Variants in VPS13A observed in about 807,000 individuals in gnomAD.
VPS13A encodes intermembrane lipid transfer protein VPS13A.
Under a neutral mutation model 390.9 loss-of-function variants are expected in VPS13A, and 264 were observed. The ratio of observed to expected loss-of-function variants is 0.68; its 90% confidence interval spans 0.61 to 0.75. The LOEUF (loss-of-function observed/expected upper bound fraction) is 0.75. Among genes scored for constraint, VPS13A ranks in the 30% least tolerant of loss-of-function variants. The probability of loss-of-function intolerance (pLI) is 0.00; values close to 1 mark genes in which losing one functional copy is unlikely to be tolerated. For synonymous variants in VPS13A, 1,231 were observed against 1,227.1 expected (o/e 1.00, Z -0.07); for missense variants, 3,409 against 3,733.9 (o/e 0.91, Z 2.27).
rs534041822 is a variant in VPS13A, at chr9:77,403,930, C to T, written c.9275+609C>T. 9.2e-5 allele frequency among the ~76,000 whole-genome samples: 14 copies of T among 152,104 alleles called. No homozygotes were observed. The South Asian group carries it at 2.9e-3, about 32-fold the overall frequency. On this transcript the variant is annotated intron_variant, in intron 69 of 71. Coordinates refer to ENST00000360280, the MANE Select transcript of VPS13A (RefSeq NM_033305.3). ...TACGGCTAGCAGGGAGAAGTTAGAG[C>T]TAAATAGAAATGAATTGTCAATCTA...
At chr9:77,376,809 A>G (rs918303330) in intron 67 of VPS13A, among the ~76,000 whole-genome samples, 1 of 152,190 alleles carries the variant, frequency 6.6e-6, no homozygotes, top group African/African-American at 2.4e-5. Context: ...ATGAGATTGG[A>G]TGAGATCACC....
At chr9:77,239,509 T>A (rs1008270309) in intron 19 of VPS13A, among the ~76,000 whole-genome samples, 1 of 145,986 alleles carries the variant, frequency 6.8e-6, no homozygotes, top group African/African-American at 2.7e-5. Flanking sequence ...TTTGTACTTT[T>A]TTATTTTATT....
At position 77,225,925 on chromosome 9, in the gene VPS13A, G is replaced by A. The variant is rs1291282545; in HGVS notation, c.1162-1G>A. 1 of 1,609,336 alleles carries A rather than the reference G, an allele frequency of 6.2e-7. No homozygotes were observed. Among genetic ancestry groups the A allele is most frequent in the Admixed American group, 1.7e-5 (1 of 59,818 alleles). ...AACACATTTTTGTTTATATTTTTCAGGAGTTGGAAAAAACCTTGGATGTCT... is the reference window on the plus strand; with the variant it reads ...AACACATTTTTGTTTATATTTTTCAAGAGTTGGAAAAAACCTTGGATGTCT... On this transcript the variant is annotated splice_acceptor_variant, in intron 13 of 71. Coordinates refer to ENST00000360280, the MANE Select transcript of VPS13A (RefSeq NM_033305.3). LOFTEE classifies it high-confidence loss of function.
chr9:77,187,990 G>A (rs887585736), intron 1 of VPS13A, among the ~76,000 whole-genome samples: 3 of 152,150 alleles, frequency 2.0e-5, no homozygotes, highest in African/African-American at 7.2e-5. Context: ...ATTGTTGGAG[G>A]TGGGGACTGG....
At chr9:77,282,963 A>G (rs1827124862) in intron 29 of VPS13A, among the ~76,000 whole-genome samples, 1 of 152,062 alleles carries the variant, frequency 6.6e-6, no homozygotes, top group South Asian at 2.1e-4. Context: ...TTCGAAAAAA[A>G]AAAACAAAAA....
At chr9:77,221,117 G>A (rs1823184807) in intron 12 of VPS13A, 68 bp from the exon 13 acceptor site, 1 of 1,441,540 alleles carries the variant, frequency 6.9e-7, no homozygotes, top group Non-Finnish European at 9.7e-7. Context: ...TGTTAGAGTA[G>A]AAGCAATGTC....
chr9:77,291,879 C>T (rs1279463272), intron 31 of VPS13A, among the ~76,000 whole-genome samples: 3 of 152,144 alleles, frequency 2.0e-5, no homozygotes, highest in African/African-American at 4.8e-5. Context: ...TGATATCTCT[C>T]GTATTTCCTA....
intron 68 of VPS13A, among the ~76,000 whole-genome samples, chr9:77,383,924 G>A (rs1243758244): frequency 6.7e-6 from 1 of 150,216 alleles, no homozygotes; most frequent in African/African-American, 2.4e-5. Context: ...TTTTCTTACA[G>A]GTATAAAAAG....
chr9:77,344,958 T>C, intron 51 of VPS13A, 51 bp from the exon 52 acceptor site: 1 of 1,578,196 alleles, frequency 6.3e-7, no homozygotes, highest in Non-Finnish European at 8.6e-7. Context: ...TATTAGTTAA[T>C]ATTCTTGGGA....
chr9:77,276,556 A>T (rs1212424345), intron 26 of VPS13A, among the ~76,000 whole-genome samples: 1 of 152,234 alleles, frequency 6.6e-6, no homozygotes. Context: ...CAAATTTATT[A>T]TCTTAGAGTT....
intron 22 of VPS13A, among the ~76,000 whole-genome samples, chr9:77,253,570 G>T (rs1296464011): frequency 2.6e-5 from 4 of 152,190 alleles, no homozygotes; most frequent in Non-Finnish European, 4.4e-5. Flanking sequence ...CTCCCAAAGT[G>T]CTGGGATTAC....
At chr9:77,220,520 A>T (rs1823149093) in intron 12 of VPS13A, 137 bp downstream of exon 12, 4 of 661,390 alleles carry the variant, frequency 6.0e-6, no homozygotes, top group Non-Finnish European at 1.0e-5. Flanking sequence ...ATAGCTAGAA[A>T]TATATGTAGC....
At chr9:77,253,331 A>C (rs1460496464) in intron 22 of VPS13A, among the ~76,000 whole-genome samples, 2 of 152,184 alleles carry the variant, frequency 1.3e-5, no homozygotes, top group South Asian at 2.1e-4. Flanking sequence ...TTCGAGATGG[A>C]GTCTCCCTCT....
chr9:77,340,758 T>G (rs984317192), intron 50 of VPS13A: 5 of 565,042 alleles, frequency 8.8e-6, no homozygotes, highest in Non-Finnish European at 1.5e-5. Flanking sequence ...ATGCCCAGCT[T>G]GTTAAGGGAG....
chr9:77,286,587 G>T (rs1391327052), intron 31 of VPS13A, among the ~76,000 whole-genome samples: 1 of 152,164 alleles, frequency 6.6e-6, no homozygotes, highest in Non-Finnish European at 1.5e-5. Context: ...TTATGGCCTA[G>T]TATTGGTGTT....
chr9:77,375,849 A>G (rs750200035), intron 67 of VPS13A, among the ~76,000 whole-genome samples: 13 of 152,370 alleles, frequency 8.5e-5, no homozygotes, highest in Admixed American at 3.3e-4. Context: ...GGGACCAGCA[A>G]TGAACACAAT....
intron 52 of VPS13A, among the ~76,000 whole-genome samples, chr9:77,346,762 C>T (rs1185808853): frequency 3.9e-5 from 6 of 152,174 alleles, no homozygotes; most frequent in Non-Finnish European, 8.8e-5. Flanking sequence ...ATCCCAGTAC[C>T]ATTTGAATAG....
At chr9:77,237,804 G>A (rs975417413) in intron 17 of VPS13A, among the ~76,000 whole-genome samples, 198 bp from the exon 18 acceptor site, 1 of 152,010 alleles carries the variant, frequency 6.6e-6, no homozygotes, top group Admixed American at 6.6e-5. Context: ...TTACATATAA[G>A]TCAACACAAA....
At position 77,281,927 on chromosome 9, in the gene VPS13A, G is replaced by T; in HGVS notation, c.2964+1G>T. 7 of 1,547,782 alleles carry T rather than the reference G, an allele frequency of 4.5e-6. No individual in the cohort carries two copies. The highest frequency in any genetic ancestry group is 6.2e-6 in the Non-Finnish European group (7 of 1,123,314). ...TAACAATGTTTTACAATTGATTAAG[G>T]TATGAGTAGATAATTTATTTTTTAA... On this transcript the variant is annotated splice_donor_variant, in intron 28 of 71. Transcript: ENST00000360280. LOFTEE classifies it high-confidence loss of function.
Sources: allele counts gnomAD v4.1 joint callset (sites outside exome capture counted in the v4.1 genomes callset), GRCh38; gene constraint gnomAD v4.1.1; transcripts MANE v1.5; gene names NCBI Gene and HGNC (gene_info 2026-07-23, HGNC 2026-07-21).